KCND2: variants seen among roughly 807,000 people sequenced by gnomAD.
KCND2 encodes the protein potassium voltage-gated channel subfamily D member 2.
KCND2 carries 16 observed loss-of-function variants against 54.4 expected under a neutral mutation model. That is an observed-to-expected ratio of 0.29 (90% CI 0.20 to 0.45). The LOEUF is 0.45. Ranked by LOEUF, KCND2 falls within the 20% of genes least tolerant of loss-of-function variation. The pLI is 1.00. For synonymous variants in KCND2, 317 were observed against 310.7 expected (o/e 1.02, Z -0.21); for missense variants, 486 against 824.2 (o/e 0.59, Z 5.02).
At chr7:120,539,785 T>TA (rs917084763) in intron 1 of KCND2, among the ~76,000 whole-genome samples, 2 of 152,158 alleles carry the variant, frequency 1.3e-5, no homozygotes, top group Non-Finnish European at 2.9e-5. Flanking sequence ...TACTTTTTTT[T>TA]AGCAAAAAAT....
At chr7:120,717,108 A>G (rs1385068299) in intron 1 of KCND2, among the ~76,000 whole-genome samples, 1 of 152,090 alleles carries the variant, frequency 6.6e-6, no homozygotes, top group African/African-American at 2.4e-5. Context: ...ATGATGTGAG[A>G]TGATAAAATA....
At chr7:120,528,288 G>T (rs756011033) in intron 1 of KCND2, among the ~76,000 whole-genome samples, 2 of 151,884 alleles carry the variant, frequency 1.3e-5, no homozygotes, top group African/African-American at 4.8e-5. Flanking sequence ...TTAGCTGTGC[G>T]GAATGATTTA....
At chr7:120,277,836 T>G (rs1378693852) in intron 1 of KCND2, among the ~76,000 whole-genome samples, 2 of 151,978 alleles carry the variant, frequency 1.3e-5, no homozygotes, top group East Asian at 1.9e-4. Context: ...ATTTAAGAAA[T>G]TGAATTATAT....
intron 1 of KCND2, among the ~76,000 whole-genome samples, chr7:120,355,113 C>T (rs918630122): frequency 6.6e-6 from 1 of 152,222 alleles, no homozygotes; most frequent in African/African-American, 2.4e-5. Context: ...CCTTGATTTA[C>T]AATGGGGCTA....
intron 1 of KCND2, among the ~76,000 whole-genome samples, chr7:120,657,357 C>G (rs1469408222): frequency 1.3e-5 from 2 of 152,070 alleles, no homozygotes; most frequent in Non-Finnish European, 2.9e-5. Flanking sequence ...ATCTATATAT[C>G]TATATCTATA....
At chr7:120,367,144 A>C (rs1439850212) in intron 1 of KCND2, among the ~76,000 whole-genome samples, 1 of 152,112 alleles carries the variant, frequency 6.6e-6, no homozygotes, top group African/African-American at 2.4e-5. Flanking sequence ...TGGTTGTCAT[A>C]CACCTGCTAC....
At chr7:120,587,778 G>T (rs1392148981) in intron 1 of KCND2, among the ~76,000 whole-genome samples, 1 of 152,096 alleles carries the variant, frequency 6.6e-6, no homozygotes, top group African/African-American at 2.4e-5. Flanking sequence ...GCGTGTTACA[G>T]CCCCTACTGT....
Position 120,283,433 on chromosome 7 carries a change from A to T in KCND2, c.1115+7686A>T, listed in dbSNP as rs1584711121. The stretch of plus-strand genomic sequence containing the variant: ...ATTTAAAACATTTTTAAATGGTCAA[A>T]TTAAAATTATTTACCATGAATAAAT... On this transcript the variant is annotated intron_variant, in intron 1 of 5. Coordinates refer to ENST00000331113, the MANE Select transcript of KCND2 (RefSeq NM_012281.3). Among the ~76,000 whole-genome samples the T allele has an allele frequency of 2.6e-5, 4 of 152,290 alleles. No individual in the cohort carries two copies. In the East Asian group the frequency reaches 7.7e-4, roughly 29 times the overall value.
intron 1 of KCND2, among the ~76,000 whole-genome samples, chr7:120,362,238 T>A (rs1445719247): frequency 6.6e-6 from 1 of 152,142 alleles, no homozygotes; most frequent in Non-Finnish European, 1.5e-5. Flanking sequence ...TTGGAACTCT[T>A]GTAATGTCAT....
At position 120,749,670 on chromosome 7, in the gene KCND2, T is replaced by A. The variant is rs1182157481; in HGVS notation, c.*1812T>A. On this transcript the variant is annotated 3_prime_UTR_variant, in exon 6 of 6. Transcript: ENST00000331113. ...GTGCTATGCACATATTAGATCTTAA[T>A]AAACATTTGCTGAGTGAAAGTAAGA... is the stretch of plus-strand genomic sequence containing the variant. The A allele has an allele frequency of 6.6e-6, 1 of 152,394 alleles. No homozygotes were observed. The highest frequency in any genetic ancestry group is 1.5e-5 in the Non-Finnish European group (1 of 67,832). The allele number at this position is 152,394 out of a possible 1,614,324, so 9.4% of individuals were successfully genotyped here.
intron 1 of KCND2, among the ~76,000 whole-genome samples, chr7:120,468,622 A>G (rs1802412164): frequency 2.0e-5 from 3 of 152,152 alleles, no homozygotes; most frequent in Non-Finnish European, 4.4e-5. Context: ...TGTATTCTTT[A>G]ATGGATATTT....
intron 1 of KCND2, among the ~76,000 whole-genome samples, chr7:120,403,604 A>G (rs1801300285): frequency 6.6e-6 from 1 of 151,194 alleles, no homozygotes; most frequent in Non-Finnish European, 1.5e-5. Flanking sequence ...TACTGGGATT[A>G]CTGGCATGAG....
intron 1 of KCND2, among the ~76,000 whole-genome samples, chr7:120,478,732 A>G (rs1188143894): frequency 1.3e-5 from 2 of 152,152 alleles, no homozygotes; most frequent in Admixed American, 1.3e-4. Flanking sequence ...CTCTATAGCA[A>G]TTCCTTTACT....
intron 1 of KCND2, among the ~76,000 whole-genome samples, chr7:120,649,072 A>T (rs972732712): frequency 6.6e-6 from 1 of 152,190 alleles, no homozygotes; most frequent in African/African-American, 2.4e-5. Context: ...AAGATACACT[A>T]ATCCTAACCT....
intron 1 of KCND2, among the ~76,000 whole-genome samples, chr7:120,394,683 C>T (rs1439107305): frequency 1.3e-5 from 2 of 151,872 alleles, no homozygotes; most frequent in Non-Finnish European, 1.5e-5. Flanking sequence ...AAATTTCTCC[C>T]ATGGTTAGCT....
rs569406666 is a variant in KCND2, at chr7:120,432,892, C to T, written c.1115+157145C>T. Among the ~76,000 whole-genome samples, 22 of 152,190 alleles carry T rather than the reference C, an allele frequency of 1.4e-4. No individual in the cohort carries two copies. In the South Asian group the frequency reaches 3.3e-3, roughly 23 times the overall value. ...CAGATCTATCATTCTAGGTCCAAATCGACTCACTTCACTGCACCACTTCAA... is the reference window on the plus strand; with the variant it reads ...CAGATCTATCATTCTAGGTCCAAATTGACTCACTTCACTGCACCACTTCAA... On this transcript the variant is annotated intron_variant, in intron 1 of 5. Transcript: ENST00000331113.
chr7:120,525,265 C>T (rs1183018599), intron 1 of KCND2, among the ~76,000 whole-genome samples: 3 of 152,134 alleles, frequency 2.0e-5, no homozygotes, highest in Non-Finnish European at 4.4e-5. Flanking sequence ...GGAGAAGAGG[C>T]TTTAATGTTT....
chr7:120,538,282 G>A (rs1045332664), intron 1 of KCND2, among the ~76,000 whole-genome samples: 1 of 152,116 alleles, frequency 6.6e-6, no homozygotes, highest in Non-Finnish European at 1.5e-5. Flanking sequence ...CACAATTCGT[G>A]ACACCTGAAA....
intron 1 of KCND2, among the ~76,000 whole-genome samples, chr7:120,414,861 A>G (rs1801503526): frequency 6.6e-6 from 1 of 152,060 alleles, no homozygotes; most frequent in Non-Finnish European, 1.5e-5. Context: ...TTCCTGATTC[A>G]TTAGCTTCTC....
Sources: gnomAD v4.1 joint callset for allele counts (sites outside exome capture counted in the v4.1 genomes callset) on GRCh38, gnomAD v4.1.1 for gene constraint, MANE v1.5 for transcripts, NCBI Gene and HGNC (gene_info 2026-07-23, HGNC 2026-07-21) for gene names.